SERINC1: variants seen among roughly 807,000 people sequenced by gnomAD.
SERINC1 encodes the protein tumor differentially expressed protein 2.
Under a neutral mutation model 52.9 loss-of-function variants are expected in SERINC1, and 38 were observed. That is an observed-to-expected ratio of 0.72 (90% CI 0.55 to 0.94). SERINC1 has a LOEUF of 0.94. SERINC1 is among the 40% of genes least tolerant of loss of function. The probability of loss-of-function intolerance (pLI) is 0.00; values close to 1 mark genes in which losing one functional copy is unlikely to be tolerated. For missense variants in SERINC1, 471 were observed against 533.9 expected, an observed-to-expected ratio of 0.88 and a Z score of 1.16; for synonymous variants, 198 against 183.1, an observed-to-expected ratio of 1.08 and a Z score of -0.66.
At chr6:122,466,640 G>T (rs1383565136) in intron 1 of SERINC1, among the ~76,000 whole-genome samples, 1 of 152,018 alleles carries the variant, frequency 6.6e-6, no homozygotes. Flanking sequence ...TATAGCAGAG[G>T]TTTAAAAATT....
rs1016750041 is a variant in SERINC1, at chr6:122,444,825, C to G, written c.*219G>C. On this transcript the variant is annotated 3_prime_UTR_variant, in exon 10 of 10. Transcript: ENST00000339697. The stretch of plus-strand genomic sequence containing the variant: ...ATAATGGCCACTTTTACTAACTCAT[C>G]ACCATATTCATAAAACTTTCCTCTG... 1.9e-6 allele frequency: 1 copy of G among 519,128 alleles called. No individual in the cohort carries two copies. The highest frequency in any genetic ancestry group is 1.9e-5 in the African/African-American group (1 of 51,398). 32.2% of individuals were successfully genotyped at this position (519,128 alleles called of 1,614,324 possible).
At chr6:122,454,506 C>T (rs1267901592) in intron 3 of SERINC1, 1 of 294,918 alleles carries the variant, frequency 3.4e-6, no homozygotes, top group Non-Finnish European at 6.6e-6. Context: ...AAAAACAAAG[C>T]AAAAAAAATC....
chr6:122,443,448 T>C lies in SERINC1; in HGVS notation c.*1596A>G, dbSNP rs1774702109. 1 of 152,092 alleles carries C rather than the reference T, an allele frequency of 6.6e-6. No individual in the cohort carries two copies. Among genetic ancestry groups the C allele is most frequent in the Non-Finnish European group, 1.5e-5 (1 of 68,026 alleles). The allele number at this position is 152,092 out of a possible 1,614,324, so 9.4% of individuals were successfully genotyped here. ...AATAAGGTTGGGGAATTAAGCTGAA[T>C]TGTTATATTCCATTCACATTAATAA... On this transcript the variant is annotated 3_prime_UTR_variant, in exon 10 of 10. Transcript: ENST00000339697.
At chr6:122,456,685 T>A in intron 2 of SERINC1, 35 bp from the exon 3 acceptor site, 1 of 1,475,066 alleles carries the variant, frequency 6.8e-7, no homozygotes, top group East Asian at 2.4e-5. Flanking sequence ...TCCATCATTT[T>A]TTTTCATTAA....
Position 122,443,599 on chromosome 6 carries a change from A to G in SERINC1, c.*1445T>C, listed in dbSNP as rs1044812371. Reference sequence around the variant, plus strand: ...AGGTTACAATAATCTATATATTTCAATTACATGGCAGTAAATACAAAAGCA... The same window carrying G: ...AGGTTACAATAATCTATATATTTCAGTTACATGGCAGTAAATACAAAAGCA... On this transcript the variant is annotated 3_prime_UTR_variant, in exon 10 of 10. Transcript: ENST00000339697. 3.3e-5 allele frequency: 5 copies of G among 152,222 alleles called. No individual in the cohort carries two copies. The highest frequency in any genetic ancestry group is 1.2e-4 in the African/African-American group (5 of 41,464). 9.4% of individuals were successfully genotyped at this position (152,222 alleles called of 1,614,324 possible).
chr6:122,469,409 C>G (rs1775237494), intron 1 of SERINC1, among the ~76,000 whole-genome samples: 1 of 149,492 alleles, frequency 6.7e-6, no homozygotes, highest in Non-Finnish European at 1.5e-5. Context: ...CAGAGTCTCA[C>G]TCTGTTGCCC....
chr6:122,460,600 C>T (rs1303565014), intron 1 of SERINC1, among the ~76,000 whole-genome samples: 1 of 152,238 alleles, frequency 6.6e-6, no homozygotes, highest in East Asian at 1.9e-4. Context: ...AGTAAAATCA[C>T]CCAAGTCAAA....
At chr6:122,471,492 A>G (rs557682924) in intron 1 of SERINC1, among the ~76,000 whole-genome samples, 18 of 152,268 alleles carry the variant, frequency 1.2e-4, no homozygotes, top group African/African-American at 4.3e-4. Flanking sequence ...ACTAAACCTT[A>G]CGGCCAGTGA....
In SERINC1 at chr6:122,456,632, T is replaced by C; in HGVS notation, c.220A>G (p.Asn74Asp). 6.3e-7 allele frequency: 1 copy of C among 1,590,958 alleles called. No individual in the cohort carries two copies. Among genetic ancestry groups the C allele is most frequent in the Non-Finnish European group, 8.5e-7 (1 of 1,172,578 alleles). ...TTACAAGGGACAACACCTTTCTCAT[T>C]CTCACAAAATCCAGGAATCTAGAAA... The part of the protein sequence containing the change: ...QLNKIPGFCE[N>D]EKGVVPCNIL... The change falls in exon 3 of 10, where the codon AAT becomes GAT. Residue 74 changes from asparagine to aspartate, a missense_variant. Transcript: ENST00000339697.
At chr6:122,466,803 C>T (rs1024231599) in intron 1 of SERINC1, among the ~76,000 whole-genome samples, 1 of 152,138 alleles carries the variant, frequency 6.6e-6, no homozygotes, top group African/African-American at 2.4e-5. Flanking sequence ...GTCCAGGAAG[C>T]ATAATATGTG....
At chr6:122,451,778 T>TATAA in intron 6 of SERINC1, 24 bp from the exon 7 acceptor site, 1 of 99,680 alleles carries the variant, frequency 1.0e-5, no homozygotes, top group Non-Finnish European at 1.6e-5. Context: ...AAAAAAAAAA[T>TATAA]ATATATATAT....
At chr6:122,468,416 A>G (rs906511770) in intron 1 of SERINC1, among the ~76,000 whole-genome samples, 1 of 152,200 alleles carries the variant, frequency 6.6e-6, no homozygotes, top group Non-Finnish European at 1.5e-5. Flanking sequence ...GTCTGCAGAT[A>G]TTGCCAAATG....
intron 3 of SERINC1, chr6:122,454,750 C>G (rs1157352690): frequency 6.6e-6 from 1 of 152,502 alleles, no homozygotes; most frequent in Admixed American, 6.6e-5. Flanking sequence ...AGGAAAAAAA[C>G]CACGACCTGC....
chr6:122,456,820 G>A lies in SERINC1; in HGVS notation c.202-170C>T, dbSNP rs116709122. Among the ~76,000 whole-genome samples the A allele has an allele frequency of 8.2e-3, 1,253 of 151,984 alleles. 19 individuals are homozygous for A. The highest frequency in any genetic ancestry group is 0.028 in the African/African-American group (1,160 of 41,480). ...CTGATACATTTTAATCACATACAGT[G>A]GGGAAAAAAGAGTTAAATCCCCATC... On this transcript the variant is annotated intron_variant, in intron 2 of 9. Transcript: ENST00000339697.
chr6:122,449,217 G>C (rs977452026), intron 7 of SERINC1, among the ~76,000 whole-genome samples: 3 of 152,136 alleles, frequency 2.0e-5, no homozygotes, highest in African/African-American at 7.2e-5. Flanking sequence ...AAGTAAAAGA[G>C]TCCCCTTTCT....
At position 122,445,029 on chromosome 6, in the gene SERINC1, T is replaced by C. The variant is rs764439243; in HGVS notation, c.*15A>G. 1 of 1,607,094 alleles carries C rather than the reference T, an allele frequency of 6.2e-7. No individual in the cohort carries two copies. The highest frequency in any genetic ancestry group is 8.5e-7 in the Non-Finnish European group (1 of 1,177,302). ...AGCAATAATCAAAGTGGGACTTTCA[T>C]GCTAGAAGTCTCACTCAGTCAAAAT... On this transcript the variant is annotated 3_prime_UTR_variant, in exon 10 of 10. Transcript: ENST00000339697.
intron 1 of SERINC1, among the ~76,000 whole-genome samples, chr6:122,463,942 G>A (rs1429230823): frequency 6.6e-6 from 1 of 152,078 alleles, no homozygotes; most frequent in African/African-American, 2.4e-5. Context: ...AACCTAGAAA[G>A]GCTCCTCAAA....
intron 1 of SERINC1, among the ~76,000 whole-genome samples, chr6:122,470,148 T>G (rs1775254553): frequency 6.6e-6 from 1 of 152,190 alleles, no homozygotes. Context: ...AGTTCCAGGC[T>G]GCAGTTCACT....
intron 1 of SERINC1, among the ~76,000 whole-genome samples, chr6:122,466,972 A>G (rs1312249507): frequency 6.6e-6 from 1 of 152,208 alleles, no homozygotes; most frequent in African/African-American, 2.4e-5. Context: ...TCTACAAAGG[A>G]GCATCAAAAT....
Sources: gnomAD v4.1 joint callset for allele counts (sites outside exome capture counted in the v4.1 genomes callset) on GRCh38, gnomAD v4.1.1 for gene constraint, MANE v1.5 for transcripts, NCBI Gene and HGNC (gene_info 2026-07-23, HGNC 2026-07-21) for gene names.